The following ADAMTS19 variants were observed in gnomAD, a reference collection of about 807,000 sequenced individuals.
ADAMTS19 encodes the protein A disintegrin and metalloproteinase with thrombospondin motifs 19.
Under a neutral mutation model 153.3 loss-of-function variants are expected in ADAMTS19, and 93 were observed. The ratio of observed to expected loss-of-function variants is 0.61; its 90% CI spans 0.51 to 0.72. ADAMTS19 has a LOEUF of 0.72. Ranked by LOEUF, ADAMTS19 falls within the 30% of genes least tolerant of loss-of-function variation. The pLI is 0.00. For missense variants in ADAMTS19, 1,482 were observed against 1,552.1 expected, an observed-to-expected ratio of 0.95 and a Z score of 0.76; for synonymous variants, 600 against 556.6, an observed-to-expected ratio of 1.08 and a Z score of -1.10.
intron 11 of ADAMTS19, among the ~76,000 whole-genome samples, chr5:129,642,632 A>T (rs1752843470): frequency 6.6e-6 from 1 of 152,198 alleles, no homozygotes; most frequent in South Asian, 2.1e-4. Flanking sequence ...TAATTTGCAT[A>T]CTGTGATGGG....
intron 2 of ADAMTS19, among the ~76,000 whole-genome samples, chr5:129,467,664 G>A (rs997326424): frequency 6.6e-6 from 1 of 152,180 alleles, no homozygotes; most frequent in African/African-American, 2.4e-5. Flanking sequence ...TTCTGAGGAA[G>A]AGTCATTTAA....
chr5:129,547,742 G>T (rs1752914921), intron 6 of ADAMTS19, among the ~76,000 whole-genome samples: 2 of 150,556 alleles, frequency 1.3e-5, no homozygotes, highest in South Asian at 2.1e-4. Context: ...AAAGAACAAA[G>T]CTGGAGGCAT....
intron 7 of ADAMTS19, among the ~76,000 whole-genome samples, chr5:129,579,789 G>A (rs1749417509): frequency 6.6e-6 from 1 of 152,172 alleles, no homozygotes; most frequent in Middle Eastern, 3.4e-3. Flanking sequence ...TGTCCCGTTG[G>A]TCTATATATC....
At chr5:129,539,182 G>C (rs917489935) in intron 6 of ADAMTS19, among the ~76,000 whole-genome samples, 2 of 152,016 alleles carry the variant, frequency 1.3e-5, no homozygotes, top group Non-Finnish European at 2.9e-5. Context: ...TACATGGCAA[G>C]GGGACTTTGC....
chr5:129,621,626 T>C (rs914744709), intron 9 of ADAMTS19, among the ~76,000 whole-genome samples: 2 of 152,210 alleles, frequency 1.3e-5, no homozygotes, highest in Non-Finnish European at 2.9e-5. Flanking sequence ...TCAGCAGCCC[T>C]TCTGTAGGCC....
intron 7 of ADAMTS19, among the ~76,000 whole-genome samples, chr5:129,556,891 G>A (rs543117343): frequency 4.6e-4 from 70 of 152,272 alleles, no homozygotes; most frequent in African/African-American, 1.7e-3. Context: ...TTTAGCCAGT[G>A]AGGTCTGTGT....
chr5:129,678,471 T>A (rs1754651413), intron 16 of ADAMTS19, among the ~76,000 whole-genome samples: 1 of 152,106 alleles, frequency 6.6e-6, no homozygotes, highest in Non-Finnish European at 1.5e-5. Context: ...ACAGAGAACA[T>A]ATACATGTTG....
intron 6 of ADAMTS19, among the ~76,000 whole-genome samples, chr5:129,533,491 T>C (rs149034371): frequency 0.01 from 1,559 of 152,298 alleles, 22 homozygotes; most frequent in African/African-American, 0.034. Flanking sequence ...TCTTTTCTTC[T>C]TCATTAGTCT....
At chr5:129,633,294 G>C (rs1281231544) in intron 10 of ADAMTS19, among the ~76,000 whole-genome samples, 2 of 151,920 alleles carry the variant, frequency 1.3e-5, no homozygotes, top group Non-Finnish European at 2.9e-5. Context: ...ACCTCACTAG[G>C]TATATTCATA....
intron 10 of ADAMTS19, among the ~76,000 whole-genome samples, chr5:129,633,792 A>C (rs779296569): frequency 1.3e-5 from 2 of 152,040 alleles, no homozygotes; most frequent in African/African-American, 2.4e-5. Context: ...TTTTTCTCTT[A>C]TCTGTGCTAT....
intron 7 of ADAMTS19, among the ~76,000 whole-genome samples, chr5:129,584,613 G>A (rs974002438): frequency 6.6e-6 from 1 of 152,168 alleles, no homozygotes; most frequent in Non-Finnish European, 1.5e-5. Flanking sequence ...GGAATCTAGA[G>A]AGCCAGTCTG....
chr5:129,528,770 A>G lies in ADAMTS19; in HGVS notation c.1328+93A>G, dbSNP rs924366232. 15 of 1,062,408 alleles carry G rather than the reference A, an allele frequency of 1.4e-5. No individual in the cohort carries two copies. In the East Asian group the frequency reaches 1.5e-4, roughly 11 times the overall value. The allele number at this position is 1,062,408 out of a possible 1,614,324, so 65.8% of individuals were successfully genotyped here. A position where few individuals can be genotyped will look rare whatever the true frequency, so the allele number is the denominator to read the frequency against. On this transcript the variant is annotated intron_variant, in intron 6 of 22. Coordinates refer to ENST00000274487, the MANE Select transcript of ADAMTS19 (RefSeq NM_133638.6). The stretch of plus-strand genomic sequence containing the variant: ...CCTTAATAGATAATGTTTTTATTTC[A>G]GATTTCGTGTTTCAAGAGTGATTTT...
intron 11 of ADAMTS19, 124 bp from the exon 12 acceptor site, chr5:129,647,641 T>TA: frequency 8.5e-7 from 1 of 1,177,048 alleles, no homozygotes; most frequent in East Asian, 2.4e-5. Context: ...TGGTCTTTCC[T>TA]AATTCCCCAT....
chr5:129,497,244 C>T (rs1391148588), intron 2 of ADAMTS19, among the ~76,000 whole-genome samples: 1 of 152,054 alleles, frequency 6.6e-6, no homozygotes, highest in African/African-American at 2.4e-5. Context: ...TACAAGCTTT[C>T]ACTTTTTCTT....
intron 6 of ADAMTS19, among the ~76,000 whole-genome samples, chr5:129,534,952 A>G (rs960768973): frequency 2.4e-4 from 36 of 152,282 alleles, no homozygotes; most frequent in African/African-American, 8.4e-4. Context: ...TCCACAGCCA[A>G]TATCATACTG....
At position 129,648,960 on chromosome 5, in the gene ADAMTS19, C is replaced by T; in HGVS notation, c.2166C>T (p.Val722=). 3.1e-6 allele frequency: 5 copies of T among 1,602,394 alleles called. No homozygotes were observed. The highest frequency in any genetic ancestry group is 4.3e-6 in the Non-Finnish European group (5 of 1,171,476). The part of the protein sequence containing the change: ...SPKHILQWQA[V]LDEEKPCALF... ...AGCATATACTTCAGTGGCAAGCTGT[C>T]CTGGATGAAGGTATGACCAACCAGA... Residue 722 remains valine (V), a synonymous_variant, in exon 13 of 23, where the codon GTC becomes GTT. Transcript: ENST00000274487.
At chr5:129,476,576 T>C (rs532522616) in intron 2 of ADAMTS19, among the ~76,000 whole-genome samples, 3 of 152,314 alleles carry the variant, frequency 2.0e-5, no homozygotes, top group Non-Finnish European at 2.9e-5. Flanking sequence ...AATTATTGTA[T>C]GTGTTTAGTT....
At chr5:129,699,298 C>G (rs1212727102) in intron 19 of ADAMTS19, among the ~76,000 whole-genome samples, 1 of 151,912 alleles carries the variant, frequency 6.6e-6, no homozygotes, top group Non-Finnish European at 1.5e-5. Context: ...GCGGGCATGC[C>G]CATAAGCCCA....
At position 129,515,367 on chromosome 5, in the gene ADAMTS19, C is replaced by G. The variant is rs576907878; in HGVS notation, c.913+6125C>G. Among the ~76,000 whole-genome samples, 6 of 151,650 alleles carry G rather than the reference C, an allele frequency of 4.0e-5. No homozygotes were observed. The South Asian group carries it at 1.0e-3, about 26-fold the overall frequency. On this transcript the variant is annotated intron_variant, in intron 3 of 22. Transcript: ENST00000274487. The stretch of plus-strand genomic sequence containing the variant: ...TGTTTTGATAGGGATTGTATTGAAT[C>G]TGTAGATTGCTTTGAGTAGTATGGA...
Sources: gnomAD v4.1 joint callset for allele counts (sites outside exome capture counted in the v4.1 genomes callset) on GRCh38, gnomAD v4.1.1 for gene constraint, MANE v1.5 for transcripts, NCBI Gene and HGNC (gene_info 2026-07-23, HGNC 2026-07-21) for gene names.